Variants in MAF observed in about 807,000 individuals in gnomAD.
The protein encoded by MAF is MAF bZIP transcription factor.
A neutral mutation model predicts 22.0 loss-of-function variants in MAF; 10 were observed. That is an observed-to-expected ratio of 0.45 (90% CI 0.28 to 0.77). The LOEUF (loss-of-function observed/expected upper bound fraction) is 0.77. Among genes scored for constraint, MAF ranks in the 30% least tolerant of loss-of-function variants. The pLI is 0.12. For synonymous variants in MAF, 337 were observed against 255.8 expected, an observed-to-expected ratio of 1.32 and a Z score of -3.03; for missense variants, 544 against 548.4, an observed-to-expected ratio of 0.99 and a Z score of 0.08.
chr16:79,238,483 A>C, the MAF span, among the ~76,000 whole-genome samples: 11,007 of 152,044 alleles, frequency 0.072, 591 homozygotes, highest in Middle Eastern at 0.15. Flanking sequence ...CTGGGCTATT[A>C]TGTGACCTTG....
the MAF span, among the ~76,000 whole-genome samples, chr16:79,506,701 A>C: frequency 6.6e-6 from 1 of 152,162 alleles, no homozygotes; most frequent in African/African-American, 2.4e-5. Flanking sequence ...TGCATGGTGC[A>C]CCTAGAGGGG....
chr16:79,256,557 C>T, the MAF span, among the ~76,000 whole-genome samples: 2 of 152,122 alleles, frequency 1.3e-5, no homozygotes, highest in South Asian at 2.1e-4. Context: ...ACACCAGGAG[C>T]GTACCTGAGT....
At chr16:79,508,552 T>A in the MAF span, among the ~76,000 whole-genome samples, 591 of 152,320 alleles carry the variant, frequency 3.9e-3, 3 homozygotes, top group Non-Finnish European at 6.5e-3. Context: ...GGCACCTGCT[T>A]TGCACCAAAG....
At chr16:79,495,162 T>C in the MAF span, among the ~76,000 whole-genome samples, 3 of 152,070 alleles carry the variant, frequency 2.0e-5, no homozygotes, top group Non-Finnish European at 4.4e-5. Flanking sequence ...TTATTGGTGA[T>C]AGAATAGCAA....
the MAF span, among the ~76,000 whole-genome samples, chr16:79,215,569 T>TA: frequency 6.6e-6 from 1 of 152,310 alleles, no homozygotes; most frequent in East Asian, 1.9e-4. Flanking sequence ...CTAGGGCCTC[T>TA]ATGCTGACTT....
the MAF span, among the ~76,000 whole-genome samples, chr16:79,222,799 A>G: frequency 3.3e-5 from 5 of 152,208 alleles, no homozygotes; most frequent in African/African-American, 1.2e-4. Context: ...TGGTAAAGGG[A>G]TCAATGCAAC....
chr16:79,547,353 C>T, the MAF span, among the ~76,000 whole-genome samples: 1 of 151,908 alleles, frequency 6.6e-6, no homozygotes, highest in South Asian at 2.1e-4. Context: ...CCACAGACAC[C>T]TCCATGTATC....
chr16:79,447,469 C>T, the MAF span, among the ~76,000 whole-genome samples: 1 of 152,156 alleles, frequency 6.6e-6, no homozygotes, highest in Admixed American at 6.5e-5. Context: ...ATTCAACCTG[C>T]AGCCCATGGA....
the MAF span, among the ~76,000 whole-genome samples, chr16:79,306,804 C>T: frequency 1.3e-5 from 2 of 152,174 alleles, no homozygotes; most frequent in Non-Finnish European, 2.9e-5. Flanking sequence ...GGCAGTCTCT[C>T]TGTGTGACCT....
At chr16:79,249,718 G>C in the MAF span, among the ~76,000 whole-genome samples, 18,685 of 152,090 alleles carry the variant, frequency 0.12, 1,420 homozygotes, top group Middle Eastern at 0.19. Flanking sequence ...TCTCTTCAGA[G>C]ATACCCTCCC....
chr16:79,218,078 A>G, the MAF span, among the ~76,000 whole-genome samples: 4 of 150,324 alleles, frequency 2.7e-5, no homozygotes, highest in African/African-American at 4.9e-5. Context: ...AATATATCCA[A>G]GCTAGTTTAG....
the MAF span, among the ~76,000 whole-genome samples, chr16:79,286,896 G>A: frequency 1.3e-5 from 2 of 152,064 alleles, no homozygotes; most frequent in Admixed American, 1.3e-4. Flanking sequence ...CCACACAAAC[G>A]TATCGACGAG....
the MAF span, among the ~76,000 whole-genome samples, chr16:79,402,736 G>A: frequency 9.9e-5 from 15 of 152,198 alleles, no homozygotes; most frequent in African/African-American, 3.4e-4. Flanking sequence ...CAGACCAAGA[G>A]GGACAGGGAT....
intron 1 of MAF, chr16:79,596,196 T>A: frequency 9.4e-7 from 1 of 1,060,944 alleles, no homozygotes; most frequent in Non-Finnish European, 1.1e-6. Context: ...TTCCACTGTT[T>A]TGTTTTGTTT....
the MAF span, among the ~76,000 whole-genome samples, chr16:79,287,137 C>G: frequency 5.8e-5 from 8 of 138,008 alleles, no homozygotes; most frequent in East Asian, 1.7e-3. Flanking sequence ...TTTTTTTTTT[C>G]CTTCAGCAAC....
At chr16:79,235,170 G>C in the MAF span, among the ~76,000 whole-genome samples, 3 of 152,076 alleles carry the variant, frequency 2.0e-5, no homozygotes, top group African/African-American at 7.2e-5. Context: ...GGCATATCCA[G>C]AATTTACTTT....
At chr16:79,581,450 C>G (rs1487382386), downstream of MAF, among the ~76,000 whole-genome samples, 2 of 152,274 alleles carry the variant, frequency 1.3e-5, no homozygotes, top group South Asian at 2.1e-4. Context: ...ATTACAAACC[C>G]CAACTCAACT....
chr16:79,323,541 G>A, the MAF span, among the ~76,000 whole-genome samples: 2 of 152,170 alleles, frequency 1.3e-5, no homozygotes, highest in African/African-American at 4.8e-5. Context: ...GAGTGAAGAT[G>A]AAAGGAGAGA....
chr16:79,379,912 TC>T, the MAF span, among the ~76,000 whole-genome samples: 1 of 151,992 alleles, frequency 6.6e-6, no homozygotes, highest in Non-Finnish European at 1.5e-5. Flanking sequence ...GCTCAGAGAC[TC>T]CCCTCAGACA....
Sources: allele counts gnomAD v4.1 joint callset (sites outside exome capture counted in the v4.1 genomes callset), GRCh38; gene constraint gnomAD v4.1.1; transcripts MANE v1.5; gene names NCBI Gene and HGNC (gene_info 2026-07-23, HGNC 2026-07-21).